The following SLC9A1 variants were observed in gnomAD, a reference collection of about 807,000 sequenced individuals.
SLC9A1 encodes solute carrier family 9 member A1.
Under a neutral mutation model 67.9 loss-of-function variants are expected in SLC9A1, and 22 were observed. That is an observed-to-expected ratio of 0.32 (90% CI 0.23 to 0.46). The LOEUF is 0.46. Among genes scored for constraint, SLC9A1 ranks in the 20% least tolerant of loss-of-function variants. The pLI, the probability that SLC9A1 is intolerant of heterozygous loss-of-function variation, is 1.00. For missense variants in SLC9A1, 686 were observed against 1,094.8 expected (o/e 0.63, Z 5.27); for synonymous variants, 421 against 471.8 (o/e 0.89, Z 1.40).
chr1:27,153,964 C>T lies in SLC9A1; in HGVS notation c.352+19G>A, dbSNP rs752115649. The T allele has an allele frequency of 3.3e-6, 5 of 1,497,656 alleles. No individual in the cohort carries two copies. The highest frequency in any genetic ancestry group is 3.6e-6 in the Non-Finnish European group (4 of 1,105,568). 92.8% of individuals were successfully genotyped at this position (1,497,656 alleles called of 1,614,324 possible). On this transcript the variant is annotated intron_variant, in intron 1 of 11. Transcript: ENST00000263980. ...ACCAGTCTGGTGGCGGCCGCAGCAT[C>T]GGAGCAAACGGGACTTACCTATCTT...
intron 1 of SLC9A1, among the ~76,000 whole-genome samples, chr1:27,150,763 C>T (rs2124219045): frequency 6.6e-6 from 1 of 152,232 alleles, no homozygotes; most frequent in South Asian, 2.1e-4. Flanking sequence ...AACTTCAGCT[C>T]CCACCCTGCT....
intron 1 of SLC9A1, among the ~76,000 whole-genome samples, chr1:27,121,498 G>C (rs955612408): frequency 6.6e-6 from 1 of 152,210 alleles, no homozygotes; most frequent in African/African-American, 2.4e-5. Context: ...TGAAACGACT[G>C]AGAAAAGAGA....
At chr1:27,104,278 C>T (rs1049849800) in intron 5 of SLC9A1, among the ~76,000 whole-genome samples, 6 of 152,106 alleles carry the variant, frequency 3.9e-5, no homozygotes, top group Non-Finnish European at 5.9e-5. Context: ...AACAGGGTTT[C>T]ACCATGTTGG....
chr1:27,099,955 G>A lies in SLC9A1; in HGVS notation c.*352C>T. ...CCACAGCTGAGCCAGAGACTCTTTG[G>A]TTAGAAACTAAGATTGGTCTGAATG... is the stretch of plus-strand genomic sequence containing the variant. On this transcript the variant is annotated 3_prime_UTR_variant, in exon 12 of 12. Coordinates refer to ENST00000263980, the MANE Select transcript of SLC9A1 (RefSeq NM_003047.5). 4.0e-6 allele frequency: 1 copy of A among 252,358 alleles called. No individual in the cohort carries two copies. The highest frequency in any genetic ancestry group is 7.6e-6 in the Non-Finnish European group (1 of 132,344). The allele number at this position is 252,358 out of a possible 1,614,324, so 15.6% of individuals were successfully genotyped here. A position where few individuals can be genotyped will look rare whatever the true frequency, so the allele number is the denominator to read the frequency against.
chr1:27,146,435 C>T (rs971886781), intron 1 of SLC9A1, among the ~76,000 whole-genome samples: 1 of 152,198 alleles, frequency 6.6e-6, no homozygotes, highest in Non-Finnish European at 1.5e-5. Context: ...ATACTAAAGT[C>T]TTTAAATCTC....
chr1:27,114,392 C>T lies in SLC9A1; in HGVS notation c.353-106G>A. 1.2e-6 allele frequency: 1 copy of T among 822,334 alleles called. No individual in the cohort carries two copies. Among genetic ancestry groups the T allele is most frequent in the Non-Finnish European group, 1.9e-6 (1 of 519,424 alleles). The allele number at this position is 822,334 out of a possible 1,614,324, so 50.9% of individuals were successfully genotyped here. ...AGGAGCGCAGTTGGTGAGAGGTGCACAGGCTGGGTCTCAGAGGGCTGCTCT... is the reference window on the plus strand; with the variant it reads ...AGGAGCGCAGTTGGTGAGAGGTGCATAGGCTGGGTCTCAGAGGGCTGCTCT... On this transcript the variant is annotated intron_variant, in intron 1 of 11. Transcript: ENST00000263980. The surrounding 1 kb of genome is among the most constrained non-coding windows in gnomAD (Gnocchi z 5.4).
rs575063673 is a variant in SLC9A1 at position 27,151,456 on chromosome 1, G to C, written c.352+2527C>G. Among the ~76,000 whole-genome samples, 21 of 152,220 alleles carry C rather than the reference G, an allele frequency of 1.4e-4. No homozygotes were observed. In the South Asian group the frequency reaches 4.1e-3, roughly 30 times the overall value. ...GCTCACTGCAACCTCCGCCTCCTGG[G>C]TTCAAGCGATCCTCCTGCCTTGGCC... On this transcript the variant is annotated intron_variant, in intron 1 of 11. Transcript: ENST00000263980.
At chr1:27,104,372 G>T (rs1022670291) in intron 5 of SLC9A1, among the ~76,000 whole-genome samples, 1 of 151,866 alleles carries the variant, frequency 6.6e-6, no homozygotes. Context: ...ATGAGCCACC[G>T]CGCCCAGCCT....
At chr1:27,139,831 C>T (rs1282772405) in intron 1 of SLC9A1, among the ~76,000 whole-genome samples, 41 of 149,994 alleles carry the variant, frequency 2.7e-4, no homozygotes, top group African/African-American at 8.6e-4. Flanking sequence ...GTTTCGCTGT[C>T]GCCCAGGCTA....
At chr1:27,108,353 G>T (rs61789274) in intron 3 of SLC9A1, among the ~76,000 whole-genome samples, 1 of 145,598 alleles carries the variant, frequency 6.9e-6, no homozygotes, top group Non-Finnish European at 1.5e-5. Context: ...GGCGACGAGC[G>T]CATGCCCGGC....
At chr1:27,113,777 A>G (rs2083246476) in intron 2 of SLC9A1, 49 bp downstream of exon 2, 1 of 1,428,806 alleles carries the variant, frequency 7.0e-7, no homozygotes, top group Non-Finnish European at 9.7e-7. Flanking sequence ...GTGGGCCTGG[A>G]TTTGGGTTTG....
chr1:27,145,569 C>T (rs1258230452), intron 1 of SLC9A1, among the ~76,000 whole-genome samples: 1 of 152,218 alleles, frequency 6.6e-6, no homozygotes. Flanking sequence ...GATATCACTC[C>T]TCCGCCTTCT....
rs147300166 is a variant in SLC9A1, at chr1:27,151,071, C to T, written c.352+2912G>A. 4.0e-3 allele frequency among the ~76,000 whole-genome samples: 602 copies of T among 152,260 alleles called. 1 individual carries two copies. The highest frequency in any genetic ancestry group is 0.013 in the East Asian group (67 of 5,178). On this transcript the variant is annotated intron_variant, in intron 1 of 11. Coordinates refer to ENST00000263980, the MANE Select transcript of SLC9A1 (RefSeq NM_003047.5). The stretch of plus-strand genomic sequence containing the variant: ...AGGCAGCTGGTGTCATCTTCCCTCC[C>T]GCCATGACCAGCTCAAGTGAACAGT...
chr1:27,113,515 G>A (rs993687631), intron 2 of SLC9A1, among the ~76,000 whole-genome samples: 13 of 152,136 alleles, frequency 8.5e-5, no homozygotes, highest in Non-Finnish European at 1.5e-4. Flanking sequence ...AAAACCAAGA[G>A]CTTAGGCCCT....
At chr1:27,138,980 G>A (rs1193019504) in intron 1 of SLC9A1, among the ~76,000 whole-genome samples, 1 of 152,080 alleles carries the variant, frequency 6.6e-6, no homozygotes, top group Non-Finnish European at 1.5e-5. Context: ...CCGGGTTGGA[G>A]AAGATGGAGT....
rs577346335 is a variant in SLC9A1 at position 27,131,251 on chromosome 1, T to C, written c.353-16965A>G. On this transcript the variant is annotated intron_variant, in intron 1 of 11. Transcript: ENST00000263980. ...TTGCCACCCACCCCCAGACCATGGT[T>C]CTAACGAGCCCTGTCACGCAGCGTC... 3.0e-4 allele frequency among the ~76,000 whole-genome samples: 46 copies of C among 151,962 alleles called. 1 individual carries two copies. Among genetic ancestry groups the C allele is most frequent in the Non-Finnish European group, 5.4e-4 (37 of 67,994 alleles).
At chr1:27,128,523 G>C (rs376711408) in intron 1 of SLC9A1, among the ~76,000 whole-genome samples, 63 of 152,056 alleles carry the variant, frequency 4.1e-4, no homozygotes, top group African/African-American at 1.4e-3. Context: ...GGCATGGCTG[G>C]TGCATACCTG....
chr1:27,142,056 A>G (rs1274408956), intron 1 of SLC9A1, among the ~76,000 whole-genome samples: 1 of 152,184 alleles, frequency 6.6e-6, no homozygotes, highest in African/African-American at 2.4e-5. Flanking sequence ...GTAAGGACCA[A>G]TGGTTTCTCT....
intron 3 of SLC9A1, among the ~76,000 whole-genome samples, 197 bp from the exon 4 acceptor site, chr1:27,108,062 A>ATTTTTTTTTT (rs1026584834): frequency 3.7e-5 from 4 of 108,924 alleles, no homozygotes; most frequent in Non-Finnish European, 7.5e-5. Flanking sequence ...GTATTCCTCC[A>ATTTTTTTTTT]TTTTTTTTTT....
Sources: allele counts gnomAD v4.1 joint callset (sites outside exome capture counted in the v4.1 genomes callset), GRCh38; gene constraint gnomAD v4.1.1; non-coding constraint Gnocchi (gnomAD v3.1); transcripts MANE v1.5; gene names NCBI Gene and HGNC (gene_info 2026-07-23, HGNC 2026-07-21).